TBL1Y: variants seen among roughly 807,000 people sequenced by gnomAD.
TBL1Y encodes the protein transducin beta like 1 Y-linked.
TBL1Y carries 15 observed loss-of-function variants against 12.0 expected under a neutral mutation model. The ratio of observed to expected loss-of-function variants is 1.25; its 90% CI spans 0.83 to 1.92. The LOEUF (loss-of-function observed/expected upper bound fraction) is 1.92, where lower values mean the gene tolerates loss of function less well. TBL1Y is among the 40% of genes most tolerant of loss of function. The pLI is 0.00. For synonymous variants in TBL1Y, 53 were observed against 42.6 expected, an observed-to-expected ratio of 1.24 and a Z score of -0.95; for missense variants, 148 against 116.7, an observed-to-expected ratio of 1.27 and a Z score of -1.24.
At chrY:6,916,731 T>C (rs771850950) in intron 2 of TBL1Y, among the ~76,000 whole-genome samples, 1 of 33,268 alleles carries the variant, frequency 3.0e-5, no homozygotes, top group Non-Finnish European at 7.4e-5. Context: ...CAAAAATATA[T>C]AAACAAATGA....
intron 9 of TBL1Y, 39 bp from the exon 10 acceptor site, chrY:7,070,681 G>C: frequency 2.5e-6 from 1 of 397,600 alleles, no homozygotes; most frequent in Non-Finnish European, 3.5e-6. Flanking sequence ...CATCCCATTT[G>C]AACCAAATAC....
intron 4 of TBL1Y, among the ~76,000 whole-genome samples, chrY:7,014,674 A>T: frequency 6.0e-5 from 2 of 33,209 alleles, no homozygotes; most frequent in Admixed American, 2.8e-4. Flanking sequence ...ATTGATTATT[A>T]AAAAATAATA....
intron 2 of TBL1Y, chrY:6,918,957 T>A (rs2011756540): frequency 6.8e-5 from 2 of 29,229 alleles, no homozygotes; most frequent in Admixed American, 6.4e-4. Flanking sequence ...TGATCTCGGC[T>A]GACTGCAACC....
chrY:6,989,994 C>T (rs2012351835), intron 3 of TBL1Y, among the ~76,000 whole-genome samples: 1 of 33,442 alleles, frequency 3.0e-5, no homozygotes, highest in South Asian at 6.9e-4. Flanking sequence ...ATGGGTTCCA[C>T]TAATGGGAGA....
chrY:6,949,629 A>G (rs2012010760), intron 2 of TBL1Y, among the ~76,000 whole-genome samples: 19 of 33,679 alleles, frequency 5.6e-4, no homozygotes, highest in Admixed American at 8.2e-4. Flanking sequence ...GAAATTCGAC[A>G]ATAAAAAAAG....
chrY:7,063,518 A>G (rs2012909423), intron 7 of TBL1Y, among the ~76,000 whole-genome samples: 1 of 32,665 alleles, frequency 3.1e-5, no homozygotes, highest in Non-Finnish European at 7.5e-5. Context: ...AGGATGGAGT[A>G]GGTAATCGGA....
At chrY:7,065,278 A>G (rs2012971745) in intron 8 of TBL1Y, among the ~76,000 whole-genome samples, 1 of 32,841 alleles carries the variant, frequency 3.0e-5, no homozygotes, top group Non-Finnish European at 7.5e-5. Flanking sequence ...GTCTCATGAG[A>G]TCTTACGGTT....
intron 3 of TBL1Y, among the ~76,000 whole-genome samples, chrY:6,993,189 T>TTTTCTTCC (rs2012381005): frequency 8.5e-5 from 1 of 11,820 alleles, no homozygotes; most frequent in Non-Finnish European, 1.7e-4. Context: ...TCCAAGTTCC[T>TTTTCTTCC]TTTCTTTCTT....
chrY:7,014,081 G>T, intron 4 of TBL1Y, among the ~76,000 whole-genome samples: 1 of 33,315 alleles, frequency 3.0e-5, no homozygotes, highest in Admixed American at 2.8e-4. Context: ...GAGGGGCCAG[G>T]TGTGTAATGA....
At chrY:7,062,733 T>G in intron 7 of TBL1Y, among the ~76,000 whole-genome samples, 1 of 33,325 alleles carries the variant, frequency 3.0e-5, no homozygotes. Context: ...TTCTTGTGTT[T>G]TGGGCTGAGG....
chrY:7,016,839 GGGA>G (rs2012554262), intron 4 of TBL1Y, among the ~76,000 whole-genome samples: 1 of 33,497 alleles, frequency 3.0e-5, no homozygotes. Flanking sequence ...TTCATTCTTG[GGGA>G]GGAGGAGACT....
chrY:7,051,456 C>T (rs2012796949), intron 7 of TBL1Y, among the ~76,000 whole-genome samples: 2 of 33,573 alleles, frequency 6.0e-5, no homozygotes, highest in African/African-American at 1.2e-4. Context: ...TGAGCCGAGA[C>T]TGCACCATTG....
intron 2 of TBL1Y, among the ~76,000 whole-genome samples, chrY:6,913,151 G>A (rs2011710431): frequency 3.1e-5 from 1 of 32,688 alleles, no homozygotes; most frequent in Non-Finnish European, 7.5e-5. Flanking sequence ...AGTGGGAAGA[G>A]TTTTTAGGTG....
intron 8 of TBL1Y, among the ~76,000 whole-genome samples, chrY:7,064,766 G>T (rs2012962375): frequency 3.0e-5 from 1 of 33,279 alleles, no homozygotes; most frequent in Non-Finnish European, 7.4e-5. Context: ...CATGAATGGT[G>T]CACTAGTGGG....
chrY:6,922,662 C>T (rs920248411), intron 2 of TBL1Y, among the ~76,000 whole-genome samples: 18 of 34,592 alleles, frequency 5.2e-4, no homozygotes, highest in Middle Eastern at 0.014. Flanking sequence ...TAGTTAGACA[C>T]AGAGTGCTGA....
intron 7 of TBL1Y, among the ~76,000 whole-genome samples, chrY:7,054,731 G>A (rs937905243): frequency 2.9e-5 from 1 of 34,169 alleles, no homozygotes. Flanking sequence ...TTCCTGCACG[G>A]CTAAGTGCCT....
chrY:7,061,836 A>G, intron 7 of TBL1Y, among the ~76,000 whole-genome samples: 1 of 31,621 alleles, frequency 3.2e-5, no homozygotes, highest in African/African-American at 1.3e-4. Flanking sequence ...AGGCATTTAC[A>G]AAGCCAATGC....
Position 7,090,164 on chromosome Y carries a change from G to A in TBL1Y, c.1522G>A (p.Val508Met), listed in dbSNP as rs745437378. The change falls in exon 18 of 19, where the codon GTG becomes ATG. Residue 508 changes from valine (V) to methionine (M), a missense_variant. Val to Met is a conservative substitution (Grantham distance 21). Transcript: ENST00000383032. ...EVCWNARGDK[V>M]GASASDGSVC... ...GTGCTGGAACGCCCGAGGAGATAAAGTGGGCGCCAGCGCGTCTGATGGCTC... is the reference window on the plus strand; with the variant it reads ...GTGCTGGAACGCCCGAGGAGATAAAATGGGCGCCAGCGCGTCTGATGGCTC... 1.5e-5 allele frequency: 6 copies of A among 396,381 alleles called. No individual in the cohort carries two copies. The highest frequency in any genetic ancestry group is 2.1e-5 in the Non-Finnish European group (6 of 282,762).
At chrY:6,952,924 C>T in intron 2 of TBL1Y, among the ~76,000 whole-genome samples, 1 of 32,798 alleles carries the variant, frequency 3.0e-5, no homozygotes, top group Non-Finnish European at 7.4e-5. Context: ...TTTATTTCTC[C>T]TTGACTTCTG....
Sources: gnomAD v4.1 joint callset for allele counts (sites outside exome capture counted in the v4.1 genomes callset) on GRCh38, gnomAD v4.1.1 for gene constraint, MANE v1.5 for transcripts, NCBI Gene and HGNC (gene_info 2026-07-23, HGNC 2026-07-21) for gene names.